Variants in PLCG2 observed in about 807,000 individuals in gnomAD.
PLCG2 encodes phospholipase C gamma 2, also known as 1-phosphatidylinositol 4,5-bisphosphate phosphodiesterase gamma-2.
PLCG2 carries 69 observed loss-of-function variants against 175.6 expected under a neutral mutation model. The ratio of observed to expected loss-of-function variants is 0.39; its 90% CI spans 0.32 to 0.48. The LOEUF is 0.48. Among genes scored for constraint, PLCG2 ranks in the 20% least tolerant of loss-of-function variants. The pLI is 0.91. For missense variants in PLCG2, 1,798 were observed against 1,650.9 expected (o/e 1.09, Z -1.54); for synonymous variants, 827 against 624.0 (o/e 1.33, Z -4.85).
intron 2 of PLCG2, among the ~76,000 whole-genome samples, chr16:81,814,999 C>T (rs1904479920): frequency 1.3e-5 from 2 of 152,330 alleles, no homozygotes; most frequent in South Asian, 2.1e-4. Context: ...TTATTATTAT[C>T]AGGACTGCTT....
chr16:81,922,262 T>C (rs562324756), intron 21 of PLCG2, among the ~76,000 whole-genome samples: 52 of 152,342 alleles, frequency 3.4e-4, no homozygotes, highest in Admixed American at 9.1e-4. Flanking sequence ...CTAACTCACA[T>C]TGATGGATCC....
chr16:81,925,324 A>G (rs920646619), intron 22 of PLCG2, among the ~76,000 whole-genome samples: 1 of 152,070 alleles, frequency 6.6e-6, no homozygotes, highest in Non-Finnish European at 1.5e-5. Context: ...GGACCAAACA[A>G]TTATTGTCTG....
In PLCG2 at chr16:81,856,666, C is replaced by G. The variant is rs538720387; in HGVS notation, c.338-1597C>G. Among the ~76,000 whole-genome samples, 11 of 152,282 alleles carry G rather than the reference C, an allele frequency of 7.2e-5. No individual in the cohort carries two copies. In the South Asian group the frequency reaches 2.3e-3, roughly 32 times the overall value. ...CTTTAATAAAACAAAAAGCTAAATC[C>G]CTAAGCCAGTGGTACTCATCCATGG... On this transcript the variant is annotated intron_variant, in intron 3 of 32. Transcript: ENST00000564138.
In PLCG2 at chr16:81,960,489, TA is replaced by T. The variant is rs1430715317; in HGVS notation, c.*2494del. The T allele has an allele frequency of 4.3e-6, 1 of 230,664 alleles. No homozygotes were observed. Among genetic ancestry groups the T allele is most frequent in the Non-Finnish European group, 8.6e-6 (1 of 116,630 alleles). The allele number at this position is 230,664 out of a possible 1,614,324, so 14.3% of individuals were successfully genotyped here. On this transcript the variant is annotated 3_prime_UTR_variant, in exon 33 of 33. Coordinates refer to ENST00000564138, the MANE Select transcript of PLCG2 (RefSeq NM_002661.5). Reference sequence around the variant, plus strand: ...GAATATTGGTTATTACAAGGAAAAATAAAGTGGGGAGGCTGGTTAGGCCTTG... The same window carrying T: ...GAATATTGGTTATTACAAGGAAAAATAAGTGGGGAGGCTGGTTAGGCCTTG...
intron 2 of PLCG2, among the ~76,000 whole-genome samples, chr16:81,819,370 C>T (rs1904694236): frequency 6.6e-6 from 1 of 152,138 alleles, no homozygotes; most frequent in South Asian, 2.1e-4. Context: ...CTGGTACCAA[C>T]CCTGTGAGGC....
rs749141151 is a variant in PLCG2 at position 81,900,647 on chromosome 16, G to C, written c.1229G>C (p.Ser410Thr). 2 of 1,611,352 alleles carry C rather than the reference G, an allele frequency of 1.2e-6. No homozygotes were observed. The highest frequency in any genetic ancestry group is 2.2e-5 in the East Asian group (1 of 44,790). Residue 410 changes from serine (S) to threonine (T), a missense_variant, in exon 14 of 33, where the codon AGC (serine) becomes ACC (threonine). By Grantham distance (58) the Ser-to-Thr change is moderately conservative. Coordinates refer to ENST00000564138, the MANE Select transcript of PLCG2 (RefSeq NM_002661.5). ...ATCCTGTCCATCGAGGAGCACTGCA[G>C]CGTGGAGCAACAGCGTCACATGGCC... is the stretch of plus-strand genomic sequence containing the variant. ...PVILSIEEHCSVEQQRHMAKA... is the reference protein window; with the variant it reads ...PVILSIEEHCTVEQQRHMAKA...
chr16:81,916,205 C>G (rs1373991279), intron 19 of PLCG2, among the ~76,000 whole-genome samples: 1 of 150,872 alleles, frequency 6.6e-6, no homozygotes, highest in East Asian at 1.9e-4. Flanking sequence ...CAGAAGTCTT[C>G]TAGCATTTTG....
In PLCG2 at chr16:81,956,749, G is replaced by A. The variant is rs757822132; in HGVS notation, c.3625G>A (p.Glu1209Lys). ...TCGCCAGCTGAGGAGGCGGCAAGAA[G>A]AACTGAACAACCAGCTCTTTCTGTA... ...SCRQLRRRQE[E>K]LNNQLFLYDT... The change falls in exon 32 of 33, where the codon GAA (glutamate) becomes AAA (lysine). Residue 1209 changes from glutamate to lysine, a missense_variant. Physicochemically the swap from Glu to Lys is moderately conservative, Grantham distance 56. Coordinates refer to ENST00000564138, the MANE Select transcript of PLCG2 (RefSeq NM_002661.5). The A allele has an allele frequency of 6.2e-7, 1 of 1,614,176 alleles. No homozygotes were observed. The highest frequency in any genetic ancestry group is 8.5e-7 in the Non-Finnish European group (1 of 1,180,016).
chr16:81,805,767 G>GGT (rs1911982263), intron 2 of PLCG2, among the ~76,000 whole-genome samples: 1 of 39,520 alleles, frequency 2.5e-5, no homozygotes, highest in African/African-American at 1.2e-4. Context: ...GTTTTGTTTT[G>GGT]TTTTTTTTTT....
At chr16:81,929,167 TG>T (rs1910398236) in intron 24 of PLCG2, among the ~76,000 whole-genome samples, 1 of 152,156 alleles carries the variant, frequency 6.6e-6, no homozygotes. Context: ...TGTCCAGTGG[TG>T]GCCAGGGTCT....
At chr16:81,830,813 G>C (rs1458728467) in intron 2 of PLCG2, among the ~76,000 whole-genome samples, 1 of 151,964 alleles carries the variant, frequency 6.6e-6, no homozygotes, top group Non-Finnish European at 1.5e-5. Context: ...GGATGGGAAG[G>C]GTGAGGGGGG....
In PLCG2 at chr16:81,880,959, G is replaced by A. The variant is rs1908049675; in HGVS notation, c.692+6G>A. 1.9e-6 allele frequency: 3 copies of A among 1,613,914 alleles called. No homozygotes were observed. In the Admixed American group the frequency reaches 5.0e-5, roughly 27 times the overall value. ...TCGTCCGTGTTCATCCTGGGGTGAG[G>A]CAGCTCTTGTGTGTCGTTCGGGGCG... On this transcript the variant is annotated splice_donor_region_variant and intron_variant, in intron 8 of 32. Transcript: ENST00000564138.
intron 9 of PLCG2, among the ~76,000 whole-genome samples, chr16:81,888,829 G>T (rs939594592): frequency 1.3e-5 from 2 of 152,156 alleles, no homozygotes; most frequent in Non-Finnish European, 2.9e-5. Flanking sequence ...CTGACCACTT[G>T]TTTTTATAAA....
chr16:81,956,296 A>T (rs16956096), intron 31 of PLCG2, among the ~76,000 whole-genome samples: 3 of 151,936 alleles, frequency 2.0e-5, no homozygotes, highest in African/African-American at 7.3e-5. Flanking sequence ...TTCTCATGTC[A>T]TGCTGTTTTT....
chr16:81,861,807 C>T (rs144813376), intron 5 of PLCG2, among the ~76,000 whole-genome samples: 57 of 152,342 alleles, frequency 3.7e-4, no homozygotes, highest in African/African-American at 1.3e-3. Flanking sequence ...GTCGGCTCTT[C>T]GTTTGTGAGG....
intron 2 of PLCG2, among the ~76,000 whole-genome samples, chr16:81,797,932 G>C (rs746338158): frequency 1.3e-5 from 2 of 151,852 alleles, no homozygotes; most frequent in Non-Finnish European, 2.9e-5. Context: ...CCGGGTTCAA[G>C]CAATTATTCT....
intron 19 of PLCG2, among the ~76,000 whole-genome samples, chr16:81,913,859 C>T (rs1909733526): frequency 6.6e-6 from 1 of 152,216 alleles, no homozygotes; most frequent in Non-Finnish European, 1.5e-5. Flanking sequence ...GCCTGCACCA[C>T]TATGCCTGAG....
At chr16:81,893,365 C>T (rs576921139) in intron 11 of PLCG2, among the ~76,000 whole-genome samples, 16 of 152,328 alleles carry the variant, frequency 1.1e-4, no homozygotes, top group African/African-American at 3.1e-4. Flanking sequence ...ACCCAGAGAG[C>T]GGCCATGGGG....
chr16:81,828,215 C>A (rs563676677), intron 2 of PLCG2, among the ~76,000 whole-genome samples: 2 of 147,542 alleles, frequency 1.4e-5, no homozygotes, highest in African/African-American at 5.0e-5. Flanking sequence ...GAAGTCTGTT[C>A]CAGACTGTTG....
Sources: allele counts gnomAD v4.1 joint callset (sites outside exome capture counted in the v4.1 genomes callset), GRCh38; gene constraint gnomAD v4.1.1; transcripts MANE v1.5; gene names NCBI Gene and HGNC (gene_info 2026-07-23, HGNC 2026-07-21).